The following IQCH variants were observed in gnomAD, a reference collection of about 807,000 sequenced individuals.
IQCH encodes IQ motif containing H, also known as IQ domain-containing protein H.
Under a neutral mutation model 117.0 loss-of-function variants are expected in IQCH, and 98 were observed. That is an observed-to-expected ratio of 0.84 (90% CI 0.71 to 0.99). IQCH has a LOEUF of 0.99. Ranked by LOEUF, IQCH falls within the 50% of genes least tolerant of loss-of-function variation. The pLI, the probability that IQCH is intolerant of heterozygous loss-of-function variation, is 0.00. For missense variants in IQCH, 1,102 were observed against 1,243.8 expected (o/e 0.89, Z 1.72); for synonymous variants, 412 against 448.2 (o/e 0.92, Z 1.02).
intron 14 of IQCH, among the ~76,000 whole-genome samples, chr15:67,409,048 ATTC>A (rs761649477): frequency 6.6e-6 from 1 of 152,154 alleles, no homozygotes; most frequent in Non-Finnish European, 1.5e-5. Flanking sequence ...ACATGAACAT[ATTC>A]TTCTTTTTTT....
chr15:67,424,524 T>C lies in IQCH; in HGVS notation c.2505+2947T>C, dbSNP rs1230792481. The stretch of plus-strand genomic sequence containing the variant: ...AGCGATGTGCTGTGTTTCTTTTTGC[T>C]CCCCCACTGTATTCTCAGCACTTAC... On this transcript the variant is annotated intron_variant, in intron 16 of 20. Coordinates refer to ENST00000335894, the MANE Select transcript of IQCH (RefSeq NM_001031715.3). The surrounding 1 kb of genome is among the most constrained non-coding windows in gnomAD (Gnocchi z 4.9). Among the ~76,000 whole-genome samples the C allele has an allele frequency of 1.3e-5, 2 of 152,174 alleles. No individual in the cohort carries two copies. The highest frequency in any genetic ancestry group is 2.4e-5 in the African/African-American group (1 of 41,438).
chr15:67,309,847 G>C lies in IQCH; in HGVS notation c.388-27128G>C, dbSNP rs78024364. Among the ~76,000 whole-genome samples, 197 of 150,794 alleles carry C rather than the reference G, an allele frequency of 1.3e-3. 7 individuals carry two copies. In the East Asian group the frequency reaches 0.036, roughly 28 times the overall value. ...GCTATTTTGCAGTTACTGAACCCTA[G>C]GTAAGCAAATTACATTTCAGATCCG... On this transcript the variant is annotated intron_variant, in intron 4 of 20. Transcript: ENST00000335894.
chr15:67,389,658 T>G (rs1457289803), intron 12 of IQCH, among the ~76,000 whole-genome samples: 1 of 152,212 alleles, frequency 6.6e-6, no homozygotes, highest in Non-Finnish European at 1.5e-5. Context: ...ATTTAAACCT[T>G]CCATGTTAAC....
At position 67,465,099 on chromosome 15, in the gene IQCH, T is replaced by C. The variant is rs780582267; in HGVS notation, c.2506-28T>C. On this transcript the variant is annotated intron_variant, in intron 16 of 20. Coordinates refer to ENST00000335894, the MANE Select transcript of IQCH (RefSeq NM_001031715.3). The surrounding 1 kb of genome is among the most constrained non-coding windows in gnomAD (Gnocchi z 5.9). Reference sequence around the variant, plus strand: ...TCGCTGCTGTTTGCTGATTTCACCCTCACTTCTACGGCTCCTGTTTTAATC... The same window carrying C: ...TCGCTGCTGTTTGCTGATTTCACCCCCACTTCTACGGCTCCTGTTTTAATC... 5.0e-6 allele frequency: 8 copies of C among 1,607,720 alleles called. No individual in the cohort carries two copies. The highest frequency in any genetic ancestry group is 6.8e-6 in the Non-Finnish European group (8 of 1,175,808).
intron 3 of IQCH, among the ~76,000 whole-genome samples, chr15:67,265,996 C>T (rs1355012871): frequency 6.6e-6 from 1 of 152,150 alleles, no homozygotes; most frequent in East Asian, 1.9e-4. Flanking sequence ...TGCTTAATCA[C>T]AATCTTGATC....
In IQCH at chr15:67,391,400, A is replaced by G. The variant is rs561010939; in HGVS notation, c.1632+2394A>G. Among the ~76,000 whole-genome samples, 2 of 152,182 alleles carry G rather than the reference A, an allele frequency of 1.3e-5. No homozygotes were observed. The highest frequency in any genetic ancestry group is 1.3e-4 in the Admixed American group (2 of 15,274). ...AGAGATTGTATCAGTGCTGATTTTCATTTAAATGGATGGCTATGAGATTTT... is the reference window on the plus strand; with the variant it reads ...AGAGATTGTATCAGTGCTGATTTTCGTTTAAATGGATGGCTATGAGATTTT... On this transcript the variant is annotated intron_variant, in intron 12 of 20. Transcript: ENST00000335894. This position sits in a 1 kb window ranked among gnomAD's most constrained non-coding sequence, Gnocchi z 4.3.
At chr15:67,360,933 T>C (rs191765948) in intron 8 of IQCH, among the ~76,000 whole-genome samples, 9 of 152,352 alleles carry the variant, frequency 5.9e-5, no homozygotes, top group East Asian at 5.8e-4. Context: ...GTGAGCTTGA[T>C]TCTGCAGGTT....
intron 6 of IQCH, among the ~76,000 whole-genome samples, chr15:67,345,240 C>T (rs1293440420): frequency 6.6e-6 from 1 of 152,212 alleles, no homozygotes; most frequent in African/African-American, 2.4e-5. Context: ...ATCCACCCGC[C>T]TTGGCCTACC....
At chr15:67,483,735 G>A (rs1485465558) in intron 18 of IQCH, among the ~76,000 whole-genome samples, 1 of 152,124 alleles carries the variant, frequency 6.6e-6, no homozygotes, top group Non-Finnish European at 1.5e-5. Flanking sequence ...CAAACTGTTT[G>A]AGACTTGAGA....
chr15:67,355,878 G>A (rs117661903), intron 6 of IQCH, among the ~76,000 whole-genome samples: 2,453 of 152,218 alleles, frequency 0.016, 33 homozygotes, highest in Middle Eastern at 0.058. Flanking sequence ...CATTAACTGT[G>A]GATTAGCCAT....
chr15:67,355,507 G>T (rs1003975436), intron 6 of IQCH, among the ~76,000 whole-genome samples: 1 of 151,822 alleles, frequency 6.6e-6, no homozygotes, highest in East Asian at 1.9e-4. Context: ...GGAGAATGGT[G>T]TGAACCTGGG....
rs1555509967 is a variant in IQCH at position 67,474,065 on chromosome 15, T to TGA, written c.2677-1629_2677-1628dup. Among the ~76,000 whole-genome samples the TGA allele has an allele frequency of 7.9e-6, 1 of 127,164 alleles. No homozygotes were observed. Among genetic ancestry groups the TGA allele is most frequent in the Non-Finnish European group, 1.6e-5 (1 of 60,948 alleles). The allele number at this position is 127,164 out of a possible 152,430, so 83.4% of individuals were successfully genotyped here. ...ATGTCACCAAAAGTGCCACGAAATC[T>TGA]GAGTGTGTGTGTGTGTGTGTGTGTG... On this transcript the variant is annotated intron_variant, in intron 17 of 20. Transcript: ENST00000335894. The surrounding 1 kb of genome is among the most constrained non-coding windows in gnomAD (Gnocchi z 4.1).
intron 18 of IQCH, among the ~76,000 whole-genome samples, chr15:67,477,575 T>G (rs2083236928): frequency 1.3e-5 from 2 of 152,234 alleles, no homozygotes; most frequent in African/African-American, 2.4e-5. Context: ...GAAGCCAGAT[T>G]GAACTGATTT....
At chr15:67,257,415 G>A (rs1045231480) in intron 1 of IQCH, among the ~76,000 whole-genome samples, 6 of 152,226 alleles carry the variant, frequency 3.9e-5, no homozygotes. Context: ...AGTTACGTCT[G>A]TGTATCAGTC....
chr15:67,264,720 A>G lies in IQCH; in HGVS notation c.269+1504A>G, dbSNP rs74020131. On this transcript the variant is annotated intron_variant, in intron 3 of 20. Transcript: ENST00000335894. Reference sequence around the variant, plus strand: ...TAGGTTTAGCCCACATTCAAAGAGAAGGGATTATACAAGGGCATGAATACC... The same window carrying G: ...TAGGTTTAGCCCACATTCAAAGAGAGGGGATTATACAAGGGCATGAATACC... Among the ~76,000 whole-genome samples, 1,220 of 152,076 alleles carry G rather than the reference A, an allele frequency of 8.0e-3. 23 individuals are homozygous for G. The highest frequency in any genetic ancestry group is 0.028 in the African/African-American group (1,141 of 41,462).
intron 4 of IQCH, among the ~76,000 whole-genome samples, chr15:67,330,918 C>T (rs1567102200): frequency 6.6e-6 from 1 of 152,208 alleles, no homozygotes; most frequent in African/African-American, 2.4e-5. Flanking sequence ...GGACTGCATA[C>T]CTCAACAGAG....
rs1303794730 is a variant in IQCH at position 67,491,562 on chromosome 15, T to C, written c.2861+1498T>C. The stretch of plus-strand genomic sequence containing the variant: ...AGATCCCATAAACATGCAAAACTTA[T>C]TGGGTCTTGTTAAGAAAGTCACTTC... On this transcript the variant is annotated intron_variant, in intron 19 of 20. Coordinates refer to ENST00000335894, the MANE Select transcript of IQCH (RefSeq NM_001031715.3). This position sits in a 1 kb window ranked among gnomAD's most constrained non-coding sequence, Gnocchi z 4.9. 6.6e-6 allele frequency among the ~76,000 whole-genome samples: 1 copy of C among 152,140 alleles called. No homozygotes were observed. The highest frequency in any genetic ancestry group is 2.4e-5 in the African/African-American group (1 of 41,438).
chr15:67,372,176 TG>T lies in IQCH; in HGVS notation c.820del (p.Asp274MetfsTer4). ...SLWDYDFLIY[D>X]GVIDNTAPDF... ...TGTGGGATTATGACTTTTTAATTTA[TG>T]ATGGTGTCATAGACAATACAGCCCC... On this transcript the variant is annotated frameshift_variant, in exon 9 of 21. Transcript: ENST00000335894. LOFTEE classifies it high-confidence loss of function. 6.2e-7 allele frequency: 1 copy of T among 1,614,044 alleles called. No homozygotes were observed. The highest frequency in any genetic ancestry group is 1.1e-5 in the South Asian group (1 of 91,066).
chr15:67,415,733 T>C (rs1004973190), intron 14 of IQCH, among the ~76,000 whole-genome samples: 3 of 152,170 alleles, frequency 2.0e-5, no homozygotes, highest in Non-Finnish European at 2.9e-5. Context: ...GCACCATCAC[T>C]CAGATTCAGA....
Sources: gnomAD v4.1 joint callset for allele counts (sites outside exome capture counted in the v4.1 genomes callset) on GRCh38, gnomAD v4.1.1 for gene constraint, Gnocchi (gnomAD v3.1) non-coding constraint, MANE v1.5 for transcripts, NCBI Gene and HGNC (gene_info 2026-07-23, HGNC 2026-07-21) for gene names.